Variants in SYNPO2 observed in about 807,000 individuals in gnomAD.
SYNPO2 encodes the protein synaptopodin 2.
A neutral mutation model predicts 85.0 loss-of-function variants in SYNPO2; 56 were observed. That is an observed-to-expected ratio of 0.66 (90% confidence interval 0.53 to 0.82). The LOEUF (loss-of-function observed/expected upper bound fraction) is 0.82. Ranked by LOEUF, SYNPO2 falls within the 40% of genes least tolerant of loss-of-function variation. SYNPO2 has a pLI of 0.00. For synonymous variants in SYNPO2, 602 were observed against 591.1 expected (o/e 1.02, Z -0.27); for missense variants, 1,575 against 1,534.2 (o/e 1.03, Z -0.44).
intron 1 of SYNPO2, among the ~76,000 whole-genome samples, chr4:119,022,588 T>G (rs1737769822): frequency 1.4e-5 from 2 of 140,860 alleles, no homozygotes; most frequent in Non-Finnish European, 3.0e-5. Context: ...ACTGCTGAGC[T>G]CAAGAGATCC....
At chr4:118,886,890 A>C (rs1732207812), upstream of SYNPO2, among the ~76,000 whole-genome samples, 2 of 152,178 alleles carry the variant, frequency 1.3e-5, no homozygotes, top group African/African-American at 4.8e-5. Context: ...TCACAAATAA[A>C]ATCACTTGAT....
At chr4:118,891,747 C>A (rs1260914266) in intron 1 of SYNPO2, among the ~76,000 whole-genome samples, 1 of 152,136 alleles carries the variant, frequency 6.6e-6, no homozygotes, top group East Asian at 1.9e-4. Flanking sequence ...AGGAAAGAGA[C>A]AGAAAGGCTA....
At chr4:118,979,640 G>A (rs1578609420) in intron 1 of SYNPO2, among the ~76,000 whole-genome samples, 1 of 152,160 alleles carries the variant, frequency 6.6e-6, no homozygotes, top group South Asian at 2.1e-4. Context: ...TTGTTCACTG[G>A]TTGGATATCC....
chr4:119,054,218 G>A (rs942356200), intron 4 of SYNPO2, among the ~76,000 whole-genome samples: 6 of 152,224 alleles, frequency 3.9e-5, no homozygotes, highest in African/African-American at 1.2e-4. Flanking sequence ...GGGTGCTTGC[G>A]ACCCCAAAGC....
chr4:118,854,008 A>G (rs1465168121), intron 1 of SYNPO2, among the ~76,000 whole-genome samples: 2 of 152,202 alleles, frequency 1.3e-5, no homozygotes, highest in African/African-American at 4.8e-5. Flanking sequence ...AAAAAAATGC[A>G]ATAAACTCTC....
chr4:118,934,610 GTCA>G (rs1285011924), intron 1 of SYNPO2, among the ~76,000 whole-genome samples: 22 of 152,146 alleles, frequency 1.4e-4, no homozygotes, highest in Non-Finnish European at 2.9e-5. Flanking sequence ...AACTACACAA[GTCA>G]TCAAATGGAA....
intron 1 of SYNPO2, among the ~76,000 whole-genome samples, chr4:118,936,747 A>G (rs2149135530): frequency 6.6e-6 from 1 of 152,216 alleles, no homozygotes; most frequent in East Asian, 1.9e-4. Context: ...ACTAACAATT[A>G]TCTATTAAGC....
intron 1 of SYNPO2, among the ~76,000 whole-genome samples, chr4:118,919,023 A>G (rs1035089430): frequency 6.6e-6 from 1 of 152,234 alleles, no homozygotes; most frequent in Non-Finnish European, 1.5e-5. Context: ...ATTCTATGGC[A>G]GCACCAGCAG....
chr4:119,055,632 A>G (rs1023923048), intron 4 of SYNPO2, among the ~76,000 whole-genome samples: 3 of 152,226 alleles, frequency 2.0e-5, no homozygotes, highest in Non-Finnish European at 4.4e-5. Context: ...TATGAAATGA[A>G]CACATACATA....
intron 1 of SYNPO2, among the ~76,000 whole-genome samples, chr4:118,942,456 T>C (rs1358261428): frequency 6.6e-6 from 1 of 152,250 alleles, no homozygotes; most frequent in East Asian, 1.9e-4. Flanking sequence ...ATAGTTCGTG[T>C]TTCACCTGGA....
chr4:119,039,964 G>C (rs2149196375), intron 4 of SYNPO2, among the ~76,000 whole-genome samples: 1 of 152,290 alleles, frequency 6.6e-6, no homozygotes, highest in South Asian at 2.1e-4. Context: ...GCCTGCCTCT[G>C]AGTCCCAGGC....
chr4:119,027,343 C>G lies in SYNPO2; in HGVS notation c.974C>G (p.Ser325Cys). 1.2e-6 allele frequency: 2 copies of G among 1,614,044 alleles called. No homozygotes were observed. The highest frequency in any genetic ancestry group is 1.7e-6 in the Non-Finnish European group (2 of 1,180,036). ...TCAGAAGCACCTCCTTCTCTGGTATCCTTTGCCGTCTCATCAGAAGGCACA... is the reference window on the plus strand; with the variant it reads ...TCAGAAGCACCTCCTTCTCTGGTATGCTTTGCCGTCTCATCAGAAGGCACA... ...GQSEAPPSLVSFAVSSEGTEQ... is the reference protein window; with the variant it reads ...GQSEAPPSLVCFAVSSEGTEQ... The change falls in exon 3 of 5, where the codon TCC (serine) becomes TGC (cysteine). Residue 325 changes from serine to cysteine, a missense_variant. Coordinates refer to ENST00000307142, the MANE Select transcript of SYNPO2 (RefSeq NM_133477.3).
intron 1 of SYNPO2, among the ~76,000 whole-genome samples, chr4:118,975,832 T>C (rs1410145678): frequency 6.6e-6 from 1 of 152,234 alleles, no homozygotes; most frequent in Non-Finnish European, 1.5e-5. Flanking sequence ...TCTACCATAG[T>C]AAATGCCTTT....
chr4:118,986,097 T>A (rs1736206427), intron 1 of SYNPO2, among the ~76,000 whole-genome samples: 1 of 152,200 alleles, frequency 6.6e-6, no homozygotes, highest in Non-Finnish European at 1.5e-5. Flanking sequence ...CATATACATG[T>A]AAAATCCCCA....
chr4:119,033,784 A>C, intron 4 of SYNPO2: 1 of 984,750 alleles, frequency 1.0e-6, no homozygotes, highest in Non-Finnish European at 1.2e-6. Context: ...AGCTATTCTG[A>C]TCTAAATAAT....
chr4:118,970,706 A>C lies in SYNPO2; in HGVS notation c.106-52724A>C, dbSNP rs377396547. ...TTACTGCCAAAATAGAGAAAGCTAC[A>C]AACACTCTAGAACCAAGGTGGGTGG... On this transcript the variant is annotated intron_variant, in intron 1 of 4. Coordinates refer to ENST00000307142, the MANE Select transcript of SYNPO2 (RefSeq NM_133477.3). 4.9e-4 allele frequency among the ~76,000 whole-genome samples: 75 copies of C among 152,322 alleles called. 1 individual carries two copies. The South Asian group carries it at 0.015, about 30-fold the overall frequency.
At chr4:118,920,576 G>A (rs886976983) in intron 1 of SYNPO2, among the ~76,000 whole-genome samples, 1 of 152,088 alleles carries the variant, frequency 6.6e-6, no homozygotes, top group African/African-American at 2.4e-5. Flanking sequence ...TGGAACAGAG[G>A]AAAGGCAATA....
At chr4:118,920,782 T>C (rs1489915551) in intron 1 of SYNPO2, among the ~76,000 whole-genome samples, 1 of 152,198 alleles carries the variant, frequency 6.6e-6, no homozygotes, top group Non-Finnish European at 1.5e-5. Context: ...CCATTTTTTT[T>C]TGGACACCAA....
chr4:118,903,898 T>C (rs1037575760), intron 1 of SYNPO2, among the ~76,000 whole-genome samples: 3 of 151,974 alleles, frequency 2.0e-5, no homozygotes, highest in African/African-American at 7.3e-5. Flanking sequence ...TTTTCAGTAG[T>C]TTCAACAAGG....
Sources: gnomAD v4.1 joint callset for allele counts (sites outside exome capture counted in the v4.1 genomes callset) on GRCh38, gnomAD v4.1.1 for gene constraint, MANE v1.5 for transcripts, NCBI Gene and HGNC (gene_info 2026-07-23, HGNC 2026-07-21) for gene names.